PLCB1: variants seen among roughly 807,000 people sequenced by gnomAD.
PLCB1 encodes the protein phospholipase C beta 1.
A neutral mutation model predicts 161.8 loss-of-function variants in PLCB1; 46 were observed. The observed-to-expected ratio is 0.28, with a 90% CI of 0.22 to 0.36. The LOEUF (loss-of-function observed/expected upper bound fraction) is 0.36. Ranked by LOEUF, PLCB1 falls within the 10% of genes least tolerant of loss-of-function variation. The probability of loss-of-function intolerance (pLI) is 1.00; values close to 1 mark genes in which losing one functional copy is unlikely to be tolerated. For missense variants in PLCB1, 1,016 were observed against 1,472.5 expected (o/e 0.69, Z 5.07); for synonymous variants, 517 against 503.7 (o/e 1.03, Z -0.35).
At chr20:8,163,645 G>T (rs1348087403) in intron 2 of PLCB1, among the ~76,000 whole-genome samples, 2 of 152,166 alleles carry the variant, frequency 1.3e-5, no homozygotes, top group Non-Finnish European at 2.9e-5. Flanking sequence ...TTCATATACA[G>T]ATCTGGATTT....
chr20:8,594,985 T>C (rs1024675985), intron 3 of PLCB1, among the ~76,000 whole-genome samples: 3 of 152,230 alleles, frequency 2.0e-5, no homozygotes, highest in African/African-American at 2.4e-5. Context: ...TTTTTAAAGA[T>C]GCATCTGTGA....
chr20:8,468,280 A>G (rs907503227), intron 3 of PLCB1, among the ~76,000 whole-genome samples: 1 of 152,168 alleles, frequency 6.6e-6, no homozygotes, highest in African/African-American at 2.4e-5. Flanking sequence ...AAAGTTGTAC[A>G]TTTAATACGT....
In PLCB1 at chr20:8,724,858, C is replaced by A. The variant is rs45559635; in HGVS notation, c.1678+106C>A. ...GTTACCCTTAATAGAGAGATTTATG[C>A]TTTTGAAGTCTTAAATATATGTACA... is the stretch of plus-strand genomic sequence containing the variant. On this transcript the variant is annotated intron_variant, in intron 16 of 31. Coordinates refer to ENST00000338037, the MANE Select transcript of PLCB1 (RefSeq NM_015192.4). The A allele has an allele frequency of 2.5e-3, 1,602 of 638,404 alleles. 15 individuals carry two copies. In the African/African-American group the frequency reaches 0.026, roughly 11 times the overall value. 39.5% of individuals were successfully genotyped at this position (638,404 alleles called of 1,614,324 possible). A position where few individuals can be genotyped will look rare whatever the true frequency, so the allele number is the denominator to read the frequency against.
intron 3 of PLCB1, among the ~76,000 whole-genome samples, chr20:8,487,208 T>G (rs1346007556): frequency 6.6e-6 from 1 of 152,206 alleles, no homozygotes; most frequent in African/African-American, 2.4e-5. Context: ...CTCAGGTTAT[T>G]TTTTCCTTGT....
intron 2 of PLCB1, among the ~76,000 whole-genome samples, chr20:8,154,520 C>A (rs895632685): frequency 5.3e-5 from 8 of 152,066 alleles, no homozygotes; most frequent in African/African-American, 1.9e-4. Flanking sequence ...CTATACCTAT[C>A]CTAAATTATA....
intron 3 of PLCB1, among the ~76,000 whole-genome samples, chr20:8,392,329 G>A (rs958928741): frequency 2.0e-5 from 3 of 152,014 alleles, no homozygotes; most frequent in South Asian, 4.1e-4. Context: ...ACCTGTCTAC[G>A]CCTTGATTTT....
chr20:8,796,876 T>C (rs2146232755), intron 31 of PLCB1, among the ~76,000 whole-genome samples: 1 of 152,358 alleles, frequency 6.6e-6, no homozygotes, highest in East Asian at 1.9e-4. Context: ...GTCTACATAT[T>C]CACATATTCT....
chr20:8,481,671 A>T (rs998508056), intron 3 of PLCB1, among the ~76,000 whole-genome samples: 4 of 152,102 alleles, frequency 2.6e-5, no homozygotes, highest in African/African-American at 9.7e-5. Context: ...ATTCTTTTGT[A>T]TAGTAATTGT....
At chr20:8,497,160 A>G (rs186062204) in intron 3 of PLCB1, among the ~76,000 whole-genome samples, 6 of 152,292 alleles carry the variant, frequency 3.9e-5, no homozygotes, top group Admixed American at 3.3e-4. Flanking sequence ...AAAATGCACA[A>G]ATTTTTACTT....
chr20:8,794,340 G>A (rs1272834715), intron 31 of PLCB1, among the ~76,000 whole-genome samples: 1 of 152,198 alleles, frequency 6.6e-6, no homozygotes, highest in Non-Finnish European at 1.5e-5. Context: ...GTAAAGACAG[G>A]CGTAAGAAAT....
chr20:8,170,084 T>C (rs756290166), intron 2 of PLCB1, among the ~76,000 whole-genome samples: 1 of 152,150 alleles, frequency 6.6e-6, no homozygotes, highest in African/African-American at 2.4e-5. Flanking sequence ...AAGATTCTGC[T>C]CCTGTTCTCT....
chr20:8,308,685 ATACATGGAGGC>A (rs1984249894), intron 2 of PLCB1, among the ~76,000 whole-genome samples: 1 of 151,814 alleles, frequency 6.6e-6, no homozygotes, highest in African/African-American at 2.4e-5. Context: ...GAAAACTGAA[ATACATGGAGGC>A]TACATAACTT....
At chr20:8,669,748 T>C (rs917961278) in intron 9 of PLCB1, among the ~76,000 whole-genome samples, 15 of 152,264 alleles carry the variant, frequency 9.9e-5, no homozygotes, top group Admixed American at 2.0e-4. Context: ...GAGGGCCAAA[T>C]GAGAGACAAG....
intron 2 of PLCB1, among the ~76,000 whole-genome samples, chr20:8,301,176 G>T (rs894328723): frequency 1.8e-4 from 28 of 152,166 alleles, no homozygotes; most frequent in African/African-American, 6.5e-4. Flanking sequence ...CCTTTGAGGA[G>T]TGTAACCTAA....
At chr20:8,659,362 T>C (rs183200041) in intron 9 of PLCB1, among the ~76,000 whole-genome samples, 69 of 152,252 alleles carry the variant, frequency 4.5e-4, no homozygotes, top group Non-Finnish European at 1.5e-5. Flanking sequence ...TTTTCAACTA[T>C]ATGTGGCAGC....
At chr20:8,777,209 A>T (rs967395726) in intron 27 of PLCB1, among the ~76,000 whole-genome samples, 1 of 152,154 alleles carries the variant, frequency 6.6e-6, no homozygotes, top group African/African-American at 2.4e-5. Flanking sequence ...GTGAGGTGGG[A>T]ACTGTTGGAA....
At chr20:8,792,550 T>C in intron 31 of PLCB1, 1 of 471,072 alleles carries the variant, frequency 2.1e-6, no homozygotes, top group Non-Finnish European at 4.4e-6. Flanking sequence ...TATGAATTTT[T>C]AGTAGTTCTA....
At chr20:8,718,373 G>C (rs1311917540) in intron 14 of PLCB1, among the ~76,000 whole-genome samples, 1 of 152,130 alleles carries the variant, frequency 6.6e-6, no homozygotes, top group Non-Finnish European at 1.5e-5. Flanking sequence ...TGTAAGTCAG[G>C]AAGCCCCCTG....
intron 3 of PLCB1, among the ~76,000 whole-genome samples, chr20:8,561,327 G>A (rs961346575): frequency 7.9e-5 from 12 of 151,928 alleles, no homozygotes; most frequent in African/African-American, 1.2e-4. Context: ...ATTATGAACC[G>A]TATAACTAAG....
Sources: gnomAD v4.1 joint callset for allele counts (sites outside exome capture counted in the v4.1 genomes callset) on GRCh38, gnomAD v4.1.1 for gene constraint, MANE v1.5 for transcripts, NCBI Gene and HGNC (gene_info 2026-07-23, HGNC 2026-07-21) for gene names.